FOXP2: variants seen among roughly 807,000 people sequenced by gnomAD.
The protein encoded by FOXP2 is forkhead box P2, also known as forkhead box protein P2.
In FOXP2, 12 loss-of-function variants were observed where a neutral mutation model predicts 115.8. The ratio of observed to expected loss-of-function variants is 0.10; its 90% CI spans 0.07 to 0.17. The LOEUF (loss-of-function observed/expected upper bound fraction) is 0.17, where lower values mean the gene tolerates loss of function less well. FOXP2 is among the 10% of genes least tolerant of loss of function. The probability of loss-of-function intolerance (pLI) is 1.00; values close to 1 mark genes in which losing one functional copy is unlikely to be tolerated. For missense variants in FOXP2, 629 were observed against 843.5 expected (o/e 0.75, Z 3.15); for synonymous variants, 328 against 297.7 (o/e 1.10, Z -1.05).
In FOXP2 at chr7:114,634,361, T is replaced by G. The variant is rs970259533; in HGVS notation, c.775+2656T>G. 2.0e-5 allele frequency among the ~76,000 whole-genome samples: 3 copies of G among 152,220 alleles called. No individual in the cohort carries two copies. In the East Asian group the frequency reaches 5.8e-4, roughly 29 times the overall value. ...CAACTTCTTCATGCTACTTTTAGAG[T>G]TACAGCTTCTTAAATTATATTAAAA... On this transcript the variant is annotated intron_variant, in intron 6 of 16. Transcript: ENST00000350908.
intron 2 of FOXP2, among the ~76,000 whole-genome samples, chr7:114,466,703 A>G (rs1194662395): frequency 6.6e-6 from 1 of 152,186 alleles, no homozygotes; most frequent in Non-Finnish European, 1.5e-5. Context: ...AACTCCAGTC[A>G]GCTTTTATTG....
At chr7:114,184,338 C>A (rs1793537171) in intron 1 of FOXP2, among the ~76,000 whole-genome samples, 1 of 152,118 alleles carries the variant, frequency 6.6e-6, no homozygotes, top group Non-Finnish European at 1.5e-5. Flanking sequence ...CACTCCTTGG[C>A]GGTATGGCTC....
At chr7:114,486,001 G>T (rs1796756496) in intron 2 of FOXP2, among the ~76,000 whole-genome samples, 1 of 152,102 alleles carries the variant, frequency 6.6e-6, no homozygotes, top group Non-Finnish European at 1.5e-5. Flanking sequence ...AATAACTCTT[G>T]CTGCCATGGC....
chr7:114,510,469 A>G (rs1326076862), intron 2 of FOXP2, among the ~76,000 whole-genome samples: 1 of 152,200 alleles, frequency 6.6e-6, no homozygotes, highest in East Asian at 1.9e-4. Context: ...TGGAGATGTA[A>G]TTCATACTTA....
At chr7:114,502,752 A>G (rs1277134181) in intron 2 of FOXP2, among the ~76,000 whole-genome samples, 1 of 152,056 alleles carries the variant, frequency 6.6e-6, no homozygotes, top group Admixed American at 6.6e-5. Flanking sequence ...CTGGGATATA[A>G]ATGACTGAAT....
At chr7:114,580,655 G>A (rs1429216988) in intron 3 of FOXP2, among the ~76,000 whole-genome samples, 1 of 152,080 alleles carries the variant, frequency 6.6e-6, no homozygotes, top group Non-Finnish European at 1.5e-5. Flanking sequence ...ATTTTTAAAA[G>A]CATGTTGACA....
At chr7:114,106,431 C>T (rs757468602) in intron 1 of FOXP2, among the ~76,000 whole-genome samples, 3 of 150,940 alleles carry the variant, frequency 2.0e-5, no homozygotes. Context: ...AACTAAAGTG[C>T]CAGGGTTTAG....
intron 1 of FOXP2, among the ~76,000 whole-genome samples, chr7:114,278,026 A>T (rs1270890768): frequency 1.4e-4 from 3 of 21,134 alleles, no homozygotes; most frequent in Non-Finnish European, 1.3e-4. Flanking sequence ...GACCTTGTCT[A>T]AAAAAAAAAA....
At chr7:114,464,004 G>A (rs974943446) in intron 2 of FOXP2, among the ~76,000 whole-genome samples, 2 of 151,916 alleles carry the variant, frequency 1.3e-5, no homozygotes, top group African/African-American at 4.8e-5. Flanking sequence ...AACATGCTAA[G>A]CAAATACCAT....
intron 3 of FOXP2, among the ~76,000 whole-genome samples, chr7:114,604,304 T>C (rs1803191083): frequency 6.6e-6 from 1 of 152,178 alleles, no homozygotes; most frequent in African/African-American, 2.4e-5. Context: ...AATTACCTCC[T>C]ACAGGCCCCA....
At chr7:114,134,712 C>CA (rs35653755) in intron 1 of FOXP2, among the ~76,000 whole-genome samples, 35 of 112,276 alleles carry the variant, frequency 3.1e-4, no homozygotes, top group African/African-American at 1.0e-3. Flanking sequence ...GACTCCGTCT[C>CA]AAAAAAAAAA....
At chr7:114,191,247 T>G (rs1298417049) in intron 1 of FOXP2, among the ~76,000 whole-genome samples, 2 of 152,336 alleles carry the variant, frequency 1.3e-5, no homozygotes, top group Non-Finnish European at 2.9e-5. Flanking sequence ...CTTTCCTTTC[T>G]GATTTTAACT....
At chr7:114,588,214 G>A (rs1357798179) in intron 3 of FOXP2, among the ~76,000 whole-genome samples, 1 of 151,938 alleles carries the variant, frequency 6.6e-6, no homozygotes, top group African/African-American at 2.4e-5. Flanking sequence ...AGCTGAGGCA[G>A]GAGAATGGCG....
At chr7:114,430,405 A>G (rs1389717147) in intron 2 of FOXP2, among the ~76,000 whole-genome samples, 1 of 151,768 alleles carries the variant, frequency 6.6e-6, no homozygotes. Flanking sequence ...ATCTTGAACA[A>G]TTTATTCTCA....
chr7:114,274,957 C>T (rs1796154074), intron 1 of FOXP2, among the ~76,000 whole-genome samples: 1 of 151,940 alleles, frequency 6.6e-6, no homozygotes, highest in Admixed American at 6.6e-5. Flanking sequence ...CCCCTCTCAA[C>T]ACTTTAAATA....
chr7:114,684,091 C>T (rs1409888061), intron 16 of FOXP2, among the ~76,000 whole-genome samples: 1 of 152,102 alleles, frequency 6.6e-6, no homozygotes, highest in African/African-American at 2.4e-5. Context: ...GTTGCCCAGG[C>T]TGGCATTCCT....
In FOXP2 at chr7:114,689,752, A is replaced by T. The variant is rs750257389; in HGVS notation, c.2004-30A>T. The T allele has an allele frequency of 1.6e-5, 25 of 1,612,270 alleles. No individual in the cohort carries two copies. The East Asian group carries it at 5.6e-4, about 36-fold the overall frequency. On this transcript the variant is annotated intron_variant, in intron 16 of 16. Transcript: ENST00000350908. ...AAACTCTGTTTGTTGCTTACTTAGTAAAATTTTGGTGTATCTACATGTTTT... is the reference window on the plus strand; with the variant it reads ...AAACTCTGTTTGTTGCTTACTTAGTTAAATTTTGGTGTATCTACATGTTTT...
chr7:114,653,388 TGCCGA>T, intron 9 of FOXP2: 39 of 173,062 alleles, frequency 2.3e-4, no homozygotes, highest in South Asian at 1.2e-3. Flanking sequence ...CAAGTGTAGA[TGCCGA>T]CTCCGTGGCA....
intron 2 of FOXP2, among the ~76,000 whole-genome samples, chr7:114,385,614 C>T (rs544207509): frequency 6.6e-6 from 1 of 152,180 alleles, no homozygotes; most frequent in African/African-American, 2.4e-5. Flanking sequence ...CCCAGATAGC[C>T]TCACACCTGA....
Sources: gnomAD v4.1 joint callset for allele counts (sites outside exome capture counted in the v4.1 genomes callset) on GRCh38, gnomAD v4.1.1 for gene constraint, MANE v1.5 for transcripts, NCBI Gene and HGNC (gene_info 2026-07-23, HGNC 2026-07-21) for gene names.